The following FAM90A20 variants were observed in gnomAD, a reference collection of about 807,000 sequenced individuals.
The protein encoded by FAM90A20 is family with sequence similarity 90 member A20.
the FAM90A20 span, chr8:7,296,320 C>T: frequency 2.7e-6 from 2 of 740,056 alleles, no homozygotes; most frequent in Non-Finnish European, 4.9e-6. Context: ...GGCTCTCCTC[C>T]ACATGTTTTC....
At chr8:7,296,809 A>T in the FAM90A20 span, among the ~76,000 whole-genome samples, 1 of 136,234 alleles carries the variant, frequency 7.3e-6, no homozygotes, top group Non-Finnish European at 1.5e-5. Flanking sequence ...ACTTTGATCC[A>T]GTTAATGCCC....
chr8:7,297,561 G>C, the FAM90A20 span: 6 of 1,515,304 alleles, frequency 4.0e-6, no homozygotes, highest in Non-Finnish European at 5.3e-6. Flanking sequence ...CCGAGACTGG[G>C]TCCCTTCCAG....
At chr8:7,297,321 G>T in the FAM90A20 span, 6 of 1,362,040 alleles carry the variant, frequency 4.4e-6, no homozygotes, top group Non-Finnish European at 5.1e-6. Context: ...CCGACACACA[G>T]CAGCCCTGAG....
chr8:7,295,747 A>T, the FAM90A20 span: 2 of 1,212,256 alleles, frequency 1.6e-6, no homozygotes, highest in African/African-American at 2.7e-5. Context: ...AAGGGAAGGA[A>T]AACCTGAAAC....
chr8:7,297,336 G>A, the FAM90A20 span: 12 of 1,384,798 alleles, frequency 8.7e-6, 1 homozygote, highest in Non-Finnish European at 8.0e-6. Flanking sequence ...CCTGAGGGTA[G>A]CTGCCGAGAA....
At chr8:7,297,515 G>A in the FAM90A20 span, 56 of 1,514,302 alleles carry the variant, frequency 3.7e-5, 2 homozygotes, top group Non-Finnish European at 4.9e-5. Flanking sequence ...ACCTGCCCAG[G>A]CTCCGATTCA....
the FAM90A20 span, chr8:7,295,907 G>C: frequency 4.0e-5 from 24 of 601,122 alleles, 2 homozygotes; most frequent in Admixed American, 5.7e-4. Context: ...CCTGCACACC[G>C]TGTGCCTTTC....
At chr8:7,297,196 C>T in the FAM90A20 span, 1 of 1,536,194 alleles carries the variant, frequency 6.5e-7, no homozygotes, top group South Asian at 1.1e-5. Context: ...TCAGAAAAGC[C>T]AGTCTGAGCT....
chr8:7,296,992 G>C, the FAM90A20 span: 10 of 1,296,506 alleles, frequency 7.7e-6, 1 homozygote, highest in Non-Finnish European at 1.0e-5. Context: ...CCTTGTCTTT[G>C]GATGTGTTTG....
At chr8:7,297,623 C>T in the FAM90A20 span, 7 of 1,417,194 alleles carry the variant, frequency 4.9e-6, no homozygotes, top group South Asian at 4.6e-5. Context: ...GGAGAATCTC[C>T]AACCTCCACC....
At chr8:7,298,003 C>A in the FAM90A20 span, 3 of 681,496 alleles carry the variant, frequency 4.4e-6, no homozygotes, top group Non-Finnish European at 7.4e-6. Flanking sequence ...CCTCAGAGGA[C>A]AGCGATTCTG....
At chr8:7,296,973 G>A in the FAM90A20 span, 3 of 1,147,478 alleles carry the variant, frequency 2.6e-6, no homozygotes, top group South Asian at 1.3e-5. Context: ...GAATTTCATG[G>A]TGTGTGCACC....
the FAM90A20 span, among the ~76,000 whole-genome samples, chr8:7,296,082 C>T: frequency 7.7e-6 from 1 of 130,514 alleles, no homozygotes; most frequent in East Asian, 2.1e-4. Context: ...GCAATGGAAT[C>T]CAAATCACAG....
chr8:7,295,827 C>A, the FAM90A20 span: 2 of 880,748 alleles, frequency 2.3e-6, no homozygotes. Context: ...GAAGAGAGAC[C>A]AAGGTGAGCA....
the FAM90A20 span, chr8:7,297,557 C>T: frequency 4.6e-6 from 7 of 1,517,842 alleles, no homozygotes; most frequent in Non-Finnish European, 6.2e-6. Context: ...GAAACCGAGA[C>T]TGGGTCCCTT....
At chr8:7,297,681 G>A in the FAM90A20 span, 9 of 1,398,542 alleles carry the variant, frequency 6.4e-6, 2 homozygotes, top group East Asian at 2.3e-5. Flanking sequence ...ATGGGCAGGA[G>A]GACACCGGCC....
At chr8:7,297,730 A>G in the FAM90A20 span, 14 of 1,495,304 alleles carry the variant, frequency 9.4e-6, no homozygotes, top group Non-Finnish European at 1.2e-5. Context: ...CGCACCGCAG[A>G]CCTTGCCTGC....
the FAM90A20 span, chr8:7,295,530 C>T: frequency 1.7e-5 from 10 of 605,814 alleles, 1 homozygote; most frequent in South Asian, 1.6e-5. Context: ...TCTTTGGAAT[C>T]CTTATTCAGC....
chr8:7,296,033 G>C, the FAM90A20 span, among the ~76,000 whole-genome samples: 1 of 129,440 alleles, frequency 7.7e-6, no homozygotes, highest in Non-Finnish European at 1.5e-5. Context: ...GGGGAGAGGC[G>C]GGGGCGCTTC....
Sources: gnomAD v4.1 joint callset for allele counts (sites outside exome capture counted in the v4.1 genomes callset) on GRCh38, gnomAD v4.1.1 for gene constraint, MANE v1.5 for transcripts, NCBI Gene and HGNC (gene_info 2026-07-23, HGNC 2026-07-21) for gene names.